The following GALNT13 variants were observed in gnomAD, a reference collection of about 807,000 sequenced individuals.
GALNT13 encodes the protein polypeptide N-acetylgalactosaminyltransferase 13.
Under a neutral mutation model 64.2 loss-of-function variants are expected in GALNT13, and 28 were observed. The ratio of observed to expected loss-of-function variants is 0.44; its 90% confidence interval spans 0.32 to 0.60. GALNT13 has a LOEUF of 0.60. GALNT13 is among the 20% of genes least tolerant of loss of function. The probability of loss-of-function intolerance (pLI) is 0.05; values close to 1 mark genes in which losing one functional copy is unlikely to be tolerated. For synonymous variants in GALNT13, 214 were observed against 224.6 expected (o/e 0.95, Z 0.42); for missense variants, 577 against 669.8 (o/e 0.86, Z 1.53).
chr2:153,987,525 G>T (rs1019565180), intron 3 of GALNT13, among the ~76,000 whole-genome samples: 11 of 151,900 alleles, frequency 7.2e-5, no homozygotes, highest in Non-Finnish European at 1.0e-4. Context: ...GTATACACAT[G>T]TTAAATGTTC....
At chr2:153,728,499 T>C in the GALNT13 span, among the ~76,000 whole-genome samples, 1 of 152,148 alleles carries the variant, frequency 6.6e-6, no homozygotes, top group Non-Finnish European at 1.5e-5. Context: ...AAAACAGTGT[T>C]AGGAGGGAAA....
chr2:154,413,609 T>C (rs1699884522), intron 11 of GALNT13, among the ~76,000 whole-genome samples: 1 of 151,970 alleles, frequency 6.6e-6, no homozygotes, highest in African/African-American at 2.4e-5. Flanking sequence ...GCTCTAGACA[T>C]ACGTCTCATG....
At chr2:153,159,635 A>C in the GALNT13 span, 1 of 152,378 alleles carries the variant, frequency 6.6e-6, no homozygotes, top group African/African-American at 2.4e-5. Flanking sequence ...GGTGCAGAGC[A>C]CAGCTAGAAA....
intron 9 of GALNT13, among the ~76,000 whole-genome samples, chr2:154,392,436 G>A (rs1447669206): frequency 6.6e-6 from 1 of 152,122 alleles, no homozygotes; most frequent in South Asian, 2.1e-4. Context: ...GTCCAGATGC[G>A]GTGATCTGGT....
chr2:153,416,558 T>C, the GALNT13 span, among the ~76,000 whole-genome samples: 2 of 152,224 alleles, frequency 1.3e-5, no homozygotes, highest in African/African-American at 4.8e-5. Flanking sequence ...GCATTCAACT[T>C]TTGTCTATCA....
intron 9 of GALNT13, among the ~76,000 whole-genome samples, chr2:154,366,154 A>G (rs1697349515): frequency 6.6e-6 from 1 of 152,202 alleles, no homozygotes; most frequent in African/African-American, 2.4e-5. Context: ...TTAGTGTCAT[A>G]TCACAGCCAG....
chr2:153,692,592 C>T, the GALNT13 span, among the ~76,000 whole-genome samples: 30,193 of 152,094 alleles, frequency 0.2, 3,385 homozygotes, highest in Non-Finnish European at 0.25. Flanking sequence ...TCCTGTTAGA[C>T]AGTTATTGAT....
the GALNT13 span, among the ~76,000 whole-genome samples, chr2:153,612,641 A>C: frequency 6.6e-6 from 1 of 152,182 alleles, no homozygotes; most frequent in Admixed American, 6.5e-5. Flanking sequence ...ACAAAGAAAA[A>C]AAGGCAAAGA....
At chr2:153,802,611 A>G in the GALNT13 span, among the ~76,000 whole-genome samples, 3 of 152,242 alleles carry the variant, frequency 2.0e-5, no homozygotes, top group African/African-American at 7.2e-5. Context: ...ATCAGTGGAT[A>G]TGGATGCCAA....
the GALNT13 span, among the ~76,000 whole-genome samples, chr2:153,472,634 T>C: frequency 6.6e-6 from 1 of 152,212 alleles, no homozygotes; most frequent in Admixed American, 6.6e-5. Context: ...TCCAGCATTA[T>C]TGCAGATCAC....
At chr2:153,397,646 C>CA in the GALNT13 span, among the ~76,000 whole-genome samples, 804 of 130,800 alleles carry the variant, frequency 6.1e-3, 6 homozygotes, top group African/African-American at 0.019. Flanking sequence ...TCTATGAAGG[C>CA]AAAAAAAAAA....
chr2:153,846,869 C>T, the GALNT13 span, among the ~76,000 whole-genome samples: 1 of 152,086 alleles, frequency 6.6e-6, no homozygotes, highest in Admixed American at 6.5e-5. Flanking sequence ...ACAGTTACAA[C>T]ATAGCCTAAA....
the GALNT13 span, among the ~76,000 whole-genome samples, chr2:153,580,699 A>T: frequency 6.6e-6 from 1 of 152,212 alleles, no homozygotes; most frequent in East Asian, 1.9e-4. Context: ...AAAACATGCT[A>T]CTTGCCTCCA....
chr2:154,328,270 A>G (rs1694984246), intron 9 of GALNT13, among the ~76,000 whole-genome samples: 1 of 152,090 alleles, frequency 6.6e-6, no homozygotes, highest in Admixed American at 6.6e-5. Flanking sequence ...TTTATCACAC[A>G]TATGTTTGCT....
the GALNT13 span, among the ~76,000 whole-genome samples, chr2:153,819,604 C>T: frequency 6.6e-6 from 1 of 152,302 alleles, no homozygotes; most frequent in South Asian, 2.1e-4. Flanking sequence ...CACTGTCCAG[C>T]CCTTCACCTG....
At chr2:153,897,742 G>T (rs900560880) in intron 1 of GALNT13, among the ~76,000 whole-genome samples, 30 of 151,834 alleles carry the variant, frequency 2.0e-4, no homozygotes, top group African/African-American at 6.8e-4. Flanking sequence ...CATTATACTC[G>T]AAGAAGGAGT....
chr2:153,271,822 A>C, the GALNT13 span, among the ~76,000 whole-genome samples: 1 of 152,168 alleles, frequency 6.6e-6, no homozygotes, highest in African/African-American at 2.4e-5. Flanking sequence ...AATCCTAAGC[A>C]AAAAGAACAA....
the GALNT13 span, among the ~76,000 whole-genome samples, chr2:153,376,402 T>A: frequency 6.6e-6 from 1 of 152,056 alleles, no homozygotes; most frequent in Non-Finnish European, 1.5e-5. Context: ...AAGAAAGAGA[T>A]CAGGATTTAT....
At chr2:154,148,511 A>C (rs868134534) in intron 4 of GALNT13, among the ~76,000 whole-genome samples, 1 of 152,136 alleles carries the variant, frequency 6.6e-6, no homozygotes, top group African/African-American at 2.4e-5. Context: ...ACTGACTTCC[A>C]CAATGGTTGA....
Sources: allele counts gnomAD v4.1 joint callset (sites outside exome capture counted in the v4.1 genomes callset), GRCh38; gene constraint gnomAD v4.1.1; transcripts MANE v1.5; gene names NCBI Gene and HGNC (gene_info 2026-07-23, HGNC 2026-07-21).